PAX7: variants seen among roughly 807,000 people sequenced by gnomAD.
The protein encoded by PAX7 is paired box protein Pax-7.
In PAX7, 18 loss-of-function variants were observed where a neutral mutation model predicts 50.7. That is an observed-to-expected ratio of 0.36 (90% CI 0.25 to 0.53). The LOEUF (loss-of-function observed/expected upper bound fraction) is 0.53. Ranked by LOEUF, PAX7 falls within the 20% of genes least tolerant of loss-of-function variation. The pLI is 0.93. For missense variants in PAX7, 644 were observed against 702.9 expected, an observed-to-expected ratio of 0.92 and a Z score of 0.95; for synonymous variants, 310 against 290.4, an observed-to-expected ratio of 1.07 and a Z score of -0.69.
At chr1:18,719,139 G>C (rs1245881803) in intron 7 of PAX7, among the ~76,000 whole-genome samples, 1 of 152,214 alleles carries the variant, frequency 6.6e-6, no homozygotes, top group African/African-American at 2.4e-5. Flanking sequence ...GGGCTTTTGA[G>C]GGCACAGTGG....
chr1:18,733,334 G>A (rs2089670318), intron 7 of PAX7, among the ~76,000 whole-genome samples: 1 of 152,100 alleles, frequency 6.6e-6, no homozygotes, highest in South Asian at 2.1e-4. Context: ...GGAGACCTCA[G>A]CTCCCTAAAG....
At chr1:18,680,758 G>A (rs747746439) in intron 4 of PAX7, among the ~76,000 whole-genome samples, 2 of 152,172 alleles carry the variant, frequency 1.3e-5, no homozygotes, top group Non-Finnish European at 2.9e-5. Flanking sequence ...TGCTCTCCCT[G>A]CTGCTTAAAT....
intron 4 of PAX7, among the ~76,000 whole-genome samples, chr1:18,680,746 G>A (rs914766867): frequency 6.6e-6 from 1 of 152,168 alleles, no homozygotes; most frequent in East Asian, 1.9e-4. Flanking sequence ...CAGCACAATC[G>A]TTGCTCTCCC....
chr1:18,709,516 G>C (rs754860202), intron 7 of PAX7, among the ~76,000 whole-genome samples: 2 of 152,186 alleles, frequency 1.3e-5, no homozygotes, highest in Non-Finnish European at 2.9e-5. Context: ...GGTCCAGCCT[G>C]TGCCTTTAGT....
Position 18,634,304 on chromosome 1 carries a change from G to A in PAX7, c.87G>A (p.Val29=), listed in dbSNP as rs1439056674. Residue 29 remains valine (V), a splice_region_variant and synonymous_variant, in exon 2 of 9, where the codon GTG becomes GTA. Transcript: ENST00000420770. This position sits in a 1 kb window ranked among gnomAD's most constrained non-coding sequence, Gnocchi z 4.0. The part of the protein sequence containing the change: ...NYPRTGFPLE[V]STPLGQGRVN... ...CTGCATCTCCCCTCCCTTCTCCAGT[G>A]TCCACCCCGCTTGGCCAAGGCCGGG... 4.3e-6 allele frequency: 7 copies of A among 1,612,978 alleles called. No homozygotes were observed. Among genetic ancestry groups the A allele is most frequent in the Non-Finnish European group, 5.9e-6 (7 of 1,179,604 alleles).
chr1:18,709,766 G>A (rs189529990), intron 7 of PAX7, among the ~76,000 whole-genome samples: 290 of 152,300 alleles, frequency 1.9e-3, no homozygotes, highest in Middle Eastern at 3.4e-3. Context: ...GCAGAGTTAG[G>A]ATTCCAACAG....
intron 7 of PAX7, among the ~76,000 whole-genome samples, chr1:18,732,113 C>T (rs2089653696): frequency 6.6e-6 from 1 of 152,198 alleles, no homozygotes. Flanking sequence ...TCTTTCTGGT[C>T]TTGCTGGATA....
chr1:18,660,355 C>T (rs1205203557), intron 4 of PAX7, among the ~76,000 whole-genome samples: 1 of 152,200 alleles, frequency 6.6e-6, no homozygotes, highest in East Asian at 1.9e-4. Flanking sequence ...TTCCTTTCTG[C>T]TCTTCTCTTC....
At chr1:18,710,856 C>T (rs1231353929) in intron 7 of PAX7, among the ~76,000 whole-genome samples, 4 of 152,156 alleles carry the variant, frequency 2.6e-5, no homozygotes, top group East Asian at 1.9e-4. Context: ...TTGCCTGCCC[C>T]GCTGAAAGGA....
At chr1:18,633,519 T>C (rs2088092854) in intron 1 of PAX7, among the ~76,000 whole-genome samples, 1 of 152,198 alleles carries the variant, frequency 6.6e-6, no homozygotes, top group South Asian at 2.1e-4. Context: ...GCACAGTTCA[T>C]GGATTTGTGA....
chr1:18,730,907 G>A (rs1234733363), intron 7 of PAX7, among the ~76,000 whole-genome samples: 2 of 151,964 alleles, frequency 1.3e-5, no homozygotes, highest in African/African-American at 2.4e-5. Context: ...GAAGGGGTTG[G>A]GGGTGGGGTA....
In PAX7 at chr1:18,636,267, G is replaced by T. The variant is rs1408550482; in HGVS notation, c.482G>T (p.Arg161Ile). 6.2e-7 allele frequency: 1 copy of T among 1,614,190 alleles called. No homozygotes were observed. Among genetic ancestry groups the T allele is most frequent in the Admixed American group, 1.7e-5 (1 of 60,030 alleles). Residue 161 changes from arginine to isoleucine, a missense_variant, in exon 4 of 9, where the codon AGA becomes ATA. Transcript: ENST00000420770. This position sits in a 1 kb window ranked among gnomAD's most constrained non-coding sequence, Gnocchi z 5.1. ...GLVSSISRVL[R>I]IKFGKKEEED... ...GTGAGTTCGATTAGCCGCGTGCTCAGAATCAAGTTCGGGAAGAAAGAGGAG... is the reference window on the plus strand; with the variant it reads ...GTGAGTTCGATTAGCCGCGTGCTCATAATCAAGTTCGGGAAGAAAGAGGAG...
At chr1:18,716,002 A>C (rs1570216914) in intron 7 of PAX7, among the ~76,000 whole-genome samples, 6 of 142,340 alleles carry the variant, frequency 4.2e-5, no homozygotes, top group South Asian at 2.3e-4. Context: ...CTTGTCCCCC[A>C]CTCTAGGTTC....
At chr1:18,637,744 T>C (rs1303536694) in intron 4 of PAX7, among the ~76,000 whole-genome samples, 5 of 152,306 alleles carry the variant, frequency 3.3e-5, no homozygotes, top group African/African-American at 9.6e-5. Flanking sequence ...GGCAGCCCCG[T>C]GTGACAGCGG....
chr1:18,729,936 G>T (rs948350052), intron 7 of PAX7, among the ~76,000 whole-genome samples: 1 of 152,160 alleles, frequency 6.6e-6, no homozygotes, highest in African/African-American at 2.4e-5. Flanking sequence ...GGGAGAAAAA[G>T]ATGAAAAACT....
At chr1:18,719,188 C>A (rs1211874615) in intron 7 of PAX7, among the ~76,000 whole-genome samples, 2 of 152,226 alleles carry the variant, frequency 1.3e-5, no homozygotes, top group Non-Finnish European at 2.9e-5. Context: ...GGTTGATTTG[C>A]AGCACGTGGG....
chr1:18,707,079 T>C (rs2100336442), intron 7 of PAX7, among the ~76,000 whole-genome samples: 1 of 152,330 alleles, frequency 6.6e-6, no homozygotes, highest in East Asian at 1.9e-4. Flanking sequence ...GTCACTAACA[T>C]AATGAATATT....
intron 4 of PAX7, among the ~76,000 whole-genome samples, chr1:18,677,730 A>G (rs2088843563): frequency 6.6e-6 from 1 of 152,142 alleles, no homozygotes; most frequent in South Asian, 2.1e-4. Flanking sequence ...TGTGTGTGTA[A>G]TGATGAGGGT....
intron 4 of PAX7, among the ~76,000 whole-genome samples, chr1:18,679,100 G>A (rs185071916): frequency 3.9e-5 from 6 of 152,198 alleles, no homozygotes; most frequent in African/African-American, 7.2e-5. Flanking sequence ...CGGTTTGAAC[G>A]CTTCTTCTCT....
Sources: allele counts gnomAD v4.1 joint callset (sites outside exome capture counted in the v4.1 genomes callset), GRCh38; gene constraint gnomAD v4.1.1; non-coding constraint Gnocchi (gnomAD v3.1); transcripts MANE v1.5; gene names NCBI Gene and HGNC (gene_info 2026-07-23, HGNC 2026-07-21).